S100A16: variants seen among roughly 807,000 people sequenced by gnomAD.
S100A16 encodes the protein protein S100-A16.
A neutral mutation model predicts 9.0 loss-of-function variants in S100A16; 8 were observed. That is an observed-to-expected ratio of 0.89 (90% CI 0.52 to 1.60). The LOEUF (loss-of-function observed/expected upper bound fraction) is 1.60. Ranked by LOEUF, S100A16 falls within the 40% of genes most tolerant of loss-of-function variation. S100A16 has a pLI of 0.00. For synonymous variants in S100A16, 51 were observed against 51.4 expected, an observed-to-expected ratio of 0.99 and a Z score of 0.04; for missense variants, 138 against 132.4, an observed-to-expected ratio of 1.04 and a Z score of -0.21.
chr1:153,610,994 C>T (rs1380740284), intron 1 of S100A16, among the ~76,000 whole-genome samples: 1 of 152,148 alleles, frequency 6.6e-6, no homozygotes. Flanking sequence ...GGACAGTGTA[C>T]ACAGGAGCCT....
intron 1 of S100A16, among the ~76,000 whole-genome samples, chr1:153,610,589 C>T (rs549844950): frequency 1.3e-5 from 2 of 152,208 alleles, no homozygotes; most frequent in Non-Finnish European, 2.9e-5. Flanking sequence ...AGACCCAGAG[C>T]GGGAGCTCCA....
intron 1 of S100A16, among the ~76,000 whole-genome samples, chr1:153,609,944 T>C (rs1666798108): frequency 6.6e-6 from 1 of 152,176 alleles, no homozygotes; most frequent in Non-Finnish European, 1.5e-5. Flanking sequence ...CTCCTCCGCC[T>C]GCCCAAACCC....
At chr1:153,610,428 G>A (rs933626879) in intron 1 of S100A16, among the ~76,000 whole-genome samples, 1 of 152,112 alleles carries the variant, frequency 6.6e-6, no homozygotes. Flanking sequence ...CCCACCACCT[G>A]CCTCCTTGGA....
At chr1:153,608,380 C>G in intron 1 of S100A16, 4 of 547,692 alleles carry the variant, frequency 7.3e-6, no homozygotes, top group Non-Finnish European at 1.3e-5. Context: ...AATCCAGGTG[C>G]TCCCCAGCTC....
rs754737696 is a variant in S100A16 at position 153,607,987 on chromosome 1, G to A, written c.153+12C>T. On this transcript the variant is annotated intron_variant, in intron 2 of 2. Coordinates refer to ENST00000368706, the MANE Select transcript of S100A16 (RefSeq NM_080388.3). ...GGAGAGGGAGGCAAGGCCCTTGGGT[G>A]AGAGGCCTTACCGACAGCATGTGGT... 6.2e-7 allele frequency: 1 copy of A among 1,612,542 alleles called. No individual in the cohort carries two copies. Among genetic ancestry groups the A allele is most frequent in the Admixed American group, 1.7e-5 (1 of 59,998 alleles).
chr1:153,612,109 AAC>A (rs1003233935), intron 1 of S100A16, among the ~76,000 whole-genome samples: 1 of 148,736 alleles, frequency 6.7e-6, no homozygotes, highest in East Asian at 2.0e-4. Context: ...CGCCTCCCCC[AAC>A]ACACACACAG....
intron 1 of S100A16, among the ~76,000 whole-genome samples, chr1:153,612,200 A>G (rs1178413694): frequency 6.6e-6 from 1 of 151,960 alleles, no homozygotes; most frequent in Non-Finnish European, 1.5e-5. Context: ...CCTCACCACC[A>G]TCCCCACTGG....
intron 1 of S100A16, among the ~76,000 whole-genome samples, chr1:153,612,397 T>A (rs535163225): frequency 6.6e-6 from 1 of 151,248 alleles, no homozygotes; most frequent in African/African-American, 2.4e-5. Context: ...GATCTCATCA[T>A]CCCTCTCAAG....
rs989929628 is a variant in S100A16, at chr1:153,607,322, G to A, written c.*212C>T. 24 of 630,450 alleles carry A rather than the reference G, an allele frequency of 3.8e-5. No individual in the cohort carries two copies. In the African/African-American group the frequency reaches 4.4e-4, roughly 12 times the overall value. The allele number at this position is 630,450 out of a possible 1,614,324, so 39.1% of individuals were successfully genotyped here. ...TCTCACAGAGGGGCCCCAAGGGCCTGCGACTCCAGGAGCTGAGACCCCCCA... is the reference window on the plus strand; with the variant it reads ...TCTCACAGAGGGGCCCCAAGGGCCTACGACTCCAGGAGCTGAGACCCCCCA... On this transcript the variant is annotated 3_prime_UTR_variant, in exon 3 of 3. Transcript: ENST00000368706.
chr1:153,608,154 C>A lies in S100A16; in HGVS notation c.-3G>T. The A allele has an allele frequency of 1.2e-6, 2 of 1,613,330 alleles. No individual in the cohort carries two copies. The highest frequency in any genetic ancestry group is 1.7e-6 in the Non-Finnish European group (2 of 1,179,872). On this transcript the variant is annotated 5_prime_UTR_variant, in exon 2 of 3. Transcript: ENST00000368706. ...AGCTCCGTGTAGCAGTCTGACATCT[C>A]CCTGCTTCGCCTGCTGGCGGGGCCT...
In S100A16 at chr1:153,608,000, G is replaced by A. The variant is rs757073911; in HGVS notation, c.152C>T (p.Ser51Leu). 37 of 1,613,662 alleles carry A rather than the reference G, an allele frequency of 2.3e-5. No homozygotes were observed. The highest frequency in any genetic ancestry group is 2.2e-4 in the Admixed American group (13 of 59,982). ...MLQKELNHML[S>L]DTGNRKAADK... is the part of the protein sequence containing the mutation. Reference sequence around the variant, plus strand: ...AGGCCCTTGGGTGAGAGGCCTTACCGACAGCATGTGGTTCAGCTCTTTCTG... The same window carrying A: ...AGGCCCTTGGGTGAGAGGCCTTACCAACAGCATGTGGTTCAGCTCTTTCTG... The change falls in exon 2 of 3, where the codon TCG becomes TTG. Residue 51 changes from serine to leucine, a missense_variant and splice_region_variant. By Grantham distance (145) the Ser-to-Leu change is moderately radical. Coordinates refer to ENST00000368706, the MANE Select transcript of S100A16 (RefSeq NM_080388.3).
chr1:153,612,315 C>G (rs1666855633), intron 1 of S100A16, among the ~76,000 whole-genome samples: 1 of 152,136 alleles, frequency 6.6e-6, no homozygotes. Context: ...CGAGGTTCAG[C>G]CCCCCTCTCT....
At position 153,607,494 on chromosome 1, in the gene S100A16, G is replaced by A; in HGVS notation, c.*40C>T. 6.2e-7 allele frequency: 1 copy of A among 1,611,860 alleles called. No individual in the cohort carries two copies. The highest frequency in any genetic ancestry group is 1.1e-5 in the South Asian group (1 of 90,992). ...AGCCTGGGGAGAGCACCAGGGCGGG[G>A]CATCAGGCCAGTGCCTGGAAGGTGT... is the stretch of plus-strand genomic sequence containing the variant. On this transcript the variant is annotated 3_prime_UTR_variant, in exon 3 of 3. Transcript: ENST00000368706.
intron 1 of S100A16, chr1:153,608,884 C>T (rs1181631100): frequency 1.0e-6 from 1 of 982,298 alleles, no homozygotes; most frequent in South Asian, 4.7e-5. Flanking sequence ...AACACCCCCA[C>T]CCACACATCG....
At chr1:153,610,486 T>A (rs1666808699) in intron 1 of S100A16, among the ~76,000 whole-genome samples, 1 of 152,080 alleles carries the variant, frequency 6.6e-6, no homozygotes, top group African/African-American at 2.4e-5. Flanking sequence ...ATACCATGAC[T>A]CAACCCCTGC....
rs144023776 is a variant in S100A16, at chr1:153,608,242, A to G, written c.-26-65T>C. The G allele has an allele frequency of 1.3e-3, 1,800 of 1,421,214 alleles. 22 individuals carry two copies. The African/African-American group carries it at 0.021, about 17-fold the overall frequency. 88.0% of individuals were successfully genotyped at this position (1,421,214 alleles called of 1,614,324 possible). ...CAGGCCATACCTCCTCCTCCTCCACACCCACCCTAGGCCCTGGGTCCCTCC... is the reference window on the plus strand; with the variant it reads ...CAGGCCATACCTCCTCCTCCTCCACGCCCACCCTAGGCCCTGGGTCCCTCC... On this transcript the variant is annotated intron_variant, in intron 1 of 2. Transcript: ENST00000368706.
chr1:153,607,451 G>T lies in S100A16; in HGVS notation c.*83C>A. 3 of 1,532,874 alleles carry T rather than the reference G, an allele frequency of 2.0e-6. No homozygotes were observed. The highest frequency in any genetic ancestry group is 9.0e-7 in the Non-Finnish European group (1 of 1,112,368). The allele number at this position is 1,532,874 out of a possible 1,614,324, so 95.0% of individuals were successfully genotyped here. On this transcript the variant is annotated 3_prime_UTR_variant, in exon 3 of 3. Transcript: ENST00000368706. ...GAAGAGAGTAAAGGGCCCTGGGTGG[G>T]CAGGAGGCTGAGGAGGGAGCCTGGG...
At chr1:153,611,913 T>TCACACACACACA (rs1376711851) in intron 1 of S100A16, among the ~76,000 whole-genome samples, 3 of 81,366 alleles carry the variant, frequency 3.7e-5, no homozygotes, top group Middle Eastern at 6.7e-3. Flanking sequence ...TCTTTGTCTC[T>TCACACACACACA]CTCTCACACA....
intron 1 of S100A16, chr1:153,609,027 C>A: frequency 1.0e-6 from 1 of 985,772 alleles, no homozygotes; most frequent in Non-Finnish European, 1.2e-6. Context: ...GCGGATACAG[C>A]CTTCTGAATA....
Sources: gnomAD v4.1 joint callset for allele counts (sites outside exome capture counted in the v4.1 genomes callset) on GRCh38, gnomAD v4.1.1 for gene constraint, MANE v1.5 for transcripts, NCBI Gene and HGNC (gene_info 2026-07-23, HGNC 2026-07-21) for gene names.